Variants in ADAMTS15 observed in about 807,000 individuals in gnomAD.
The protein encoded by ADAMTS15 is A disintegrin and metalloproteinase with thrombospondin motifs 15.
ADAMTS15 carries 35 observed loss-of-function variants against 79.1 expected under a neutral mutation model. The ratio of observed to expected loss-of-function variants is 0.44; its 90% CI spans 0.34 to 0.59. ADAMTS15 has a LOEUF of 0.59. Among genes scored for constraint, ADAMTS15 ranks in the 20% least tolerant of loss-of-function variants. The probability of loss-of-function intolerance (pLI) is 0.02; values close to 1 mark genes in which losing one functional copy is unlikely to be tolerated. For synonymous variants in ADAMTS15, 616 were observed against 567.3 expected, an observed-to-expected ratio of 1.09 and a Z score of -1.22; for missense variants, 1,324 against 1,318.7, an observed-to-expected ratio of 1.00 and a Z score of -0.06.
intron 1 of ADAMTS15, among the ~76,000 whole-genome samples, chr11:130,450,571 T>C (rs1310690524): frequency 2.0e-5 from 3 of 152,198 alleles, no homozygotes; most frequent in Non-Finnish European, 4.4e-5. Flanking sequence ...ACTTCTCTGC[T>C]GGGCATGGTC....
chr11:130,470,179 T>TAC lies in ADAMTS15; in HGVS notation c.1721-740_1721-739insCA, dbSNP rs1565397802. Reference sequence around the variant, plus strand: ...GTATATATATATATATATATATATATATGTGTGTATATATATATATATATA... The same window carrying TAC: ...GTATATATATATATATATATATATATACATGTGTGTATATATATATATATATA... On this transcript the variant is annotated intron_variant, in intron 5 of 7. Coordinates refer to ENST00000299164, the MANE Select transcript of ADAMTS15 (RefSeq NM_139055.4). Among the ~76,000 whole-genome samples the TAC allele has an allele frequency of 2.3e-3, 109 of 48,102 alleles. 2 individuals are homozygous for TAC. Among genetic ancestry groups the TAC allele is most frequent in the African/African-American group, 9.0e-3 (73 of 8,092 alleles). 31.6% of individuals were successfully genotyped at this position (48,102 alleles called of 152,430 possible). A position where few individuals can be genotyped will look rare whatever the true frequency, so the allele number is the denominator to read the frequency against.
At chr11:130,470,157 T>TATATATATAC (rs1938403600) in intron 5 of ADAMTS15, among the ~76,000 whole-genome samples, 1 of 40,346 alleles carries the variant, frequency 2.5e-5, no homozygotes, top group African/African-American at 1.4e-4. Context: ...TATATGTGTA[T>TATATATATAC]ATATATATAT....
rs1371775432 is a variant in ADAMTS15 at position 130,460,296 on chromosome 11, G to A, written c.958-1193G>A. On this transcript the variant is annotated intron_variant, in intron 1 of 7. Transcript: ENST00000299164. ...TCTTCTGTTTTTTTTTTTTTTTTGA[G>A]ACGGAGTTTTGCTCTTGTCGCCCAC... is the stretch of plus-strand genomic sequence containing the variant. 2.1e-5 allele frequency among the ~76,000 whole-genome samples: 3 copies of A among 143,008 alleles called. No homozygotes were observed. The East Asian group carries it at 6.1e-4, about 29-fold the overall frequency. The allele number at this position is 143,008 out of a possible 152,430, so 93.8% of individuals were successfully genotyped here. A position where few individuals can be genotyped will look rare whatever the true frequency, so the allele number is the denominator to read the frequency against.
intron 1 of ADAMTS15, 60 bp from the exon 2 acceptor site, chr11:130,461,429 G>A (rs1592146489): frequency 1.4e-5 from 23 of 1,611,200 alleles, no homozygotes; most frequent in Non-Finnish European, 2.0e-5. Flanking sequence ...CTTCCCTTCA[G>A]GTCCCTTCTG....
chr11:130,465,244 C>T (rs971063068), intron 4 of ADAMTS15, among the ~76,000 whole-genome samples: 3 of 152,152 alleles, frequency 2.0e-5, no homozygotes, highest in African/African-American at 4.8e-5. Flanking sequence ...ACCCACCTCC[C>T]GACCTGCTTC....
intron 1 of ADAMTS15, among the ~76,000 whole-genome samples, chr11:130,456,242 CTCT>C (rs1460477682): frequency 6.6e-6 from 1 of 152,136 alleles, no homozygotes; most frequent in Non-Finnish European, 1.5e-5. Flanking sequence ...GCTATTATCG[CTCT>C]TCTTGTAGGC....
rs111860313 is a variant in ADAMTS15 at position 130,462,479 on chromosome 11, G to A, written c.1259-18G>A. ...ATCTTCCCAGCTCATCCTAACGAAC[G>A]CCCTCGGCTCTCTGCAGGTGACTGC... is the stretch of plus-strand genomic sequence containing the variant. On this transcript the variant is annotated intron_variant, in intron 3 of 7. Transcript: ENST00000299164. The surrounding 1 kb of genome is among the most constrained non-coding windows in gnomAD (Gnocchi z 4.3). The A allele has an allele frequency of 1.5e-3, 2,293 of 1,566,508 alleles. 29 individuals are homozygous for A. In the African/African-American group the frequency reaches 0.027, roughly 18 times the overall value.
At chr11:130,460,474 G>A (rs150644010) in intron 1 of ADAMTS15, among the ~76,000 whole-genome samples, 3,486 of 151,982 alleles carry the variant, frequency 0.023, 60 homozygotes, top group South Asian at 0.062. Context: ...ATGGGGTTTC[G>A]CCATGTTGGC....
chr11:130,463,486 C>T (rs182499909), intron 4 of ADAMTS15, among the ~76,000 whole-genome samples: 355 of 152,086 alleles, frequency 2.3e-3, no homozygotes, highest in African/African-American at 7.4e-3. Flanking sequence ...TGTACTTTTC[C>T]GGGCAGGAAT....
chr11:130,470,186 G>GTGTATA lies in ADAMTS15; in HGVS notation c.1721-733_1721-732insGTATAT, dbSNP rs1565397851. Among the ~76,000 whole-genome samples the GTGTATA allele has an allele frequency of 7.4e-4, 50 of 67,150 alleles. 1 individual carries two copies. Among genetic ancestry groups the GTGTATA allele is most frequent in the Non-Finnish European group, 6.6e-4 (25 of 37,864 alleles). 44.1% of individuals were successfully genotyped at this position (67,150 alleles called of 152,430 possible). A position where few individuals can be genotyped will look rare whatever the true frequency, so the allele number is the denominator to read the frequency against. On this transcript the variant is annotated intron_variant, in intron 5 of 7. Transcript: ENST00000299164. Reference sequence around the variant, plus strand: ...TATATATATATATATATATATGTGTGTATATATATATATATATATATATGT... The same window carrying GTGTATA: ...TATATATATATATATATATATGTGTGTGTATATATATATATATATATATATATATGT...
Position 130,472,935 on chromosome 11 carries a change from C to T in ADAMTS15, c.2079-112C>T. 6.8e-7 allele frequency: 1 copy of T among 1,465,576 alleles called. No individual in the cohort carries two copies. Among genetic ancestry groups the T allele is most frequent in the East Asian group, 2.3e-5 (1 of 43,910 alleles). 90.8% of individuals were successfully genotyped at this position (1,465,576 alleles called of 1,614,324 possible). On this transcript the variant is annotated intron_variant, in intron 7 of 7. Transcript: ENST00000299164. This position sits in a 1 kb window ranked among gnomAD's most constrained non-coding sequence, Gnocchi z 4.7. ...TGACTCCAAAACCTGTGCTTTTACT[C>T]CCATGCCAGAATTCACCGAAAGCTA...
chr11:130,461,373 T>G, intron 1 of ADAMTS15, 116 bp from the exon 2 acceptor site: 1,022 of 1,424,566 alleles, frequency 7.2e-4, no homozygotes, highest in Non-Finnish European at 8.6e-4. Context: ...CTGGGCCTGG[T>G]GAGGTTGGAA....
At chr11:130,456,137 G>A (rs143306387) in intron 1 of ADAMTS15, among the ~76,000 whole-genome samples, 82 of 152,232 alleles carry the variant, frequency 5.4e-4, no homozygotes, top group African/African-American at 1.9e-3. Flanking sequence ...GCCTGATAAT[G>A]GCATCTTCTT....
rs757213675 is a variant in ADAMTS15, at chr11:130,473,615, C to A, written c.2647C>A (p.Arg883=). 8.1e-6 allele frequency: 13 copies of A among 1,609,622 alleles called. No individual in the cohort carries two copies. The highest frequency in any genetic ancestry group is 1.0e-5 in the Non-Finnish European group (12 of 1,179,568). ...GGTCCCTGCCTGTGATGCAGCCCAT[C>A]GGCCCGTGGAGACACAAGCCTGCGG... is the stretch of plus-strand genomic sequence containing the variant. ...RTVPACDAAH[R]PVETQACGEP... is the part of the protein sequence containing the mutation. Residue 883 remains arginine, a synonymous_variant, in exon 8 of 8, where the codon CGG becomes AGG. Coordinates refer to ENST00000299164, the MANE Select transcript of ADAMTS15 (RefSeq NM_139055.4).
At position 130,462,529 on chromosome 11, in the gene ADAMTS15, A is replaced by G; in HGVS notation, c.1291A>G (p.Ile431Val). The G allele has an allele frequency of 2.5e-6, 4 of 1,604,712 alleles. No homozygotes were observed. The highest frequency in any genetic ancestry group is 1.3e-5 in the African/African-American group (1 of 74,912). ...DCLLDQPSKP[I>V]SLPEDLPGAS... ...CCTCCTGGACCAACCCAGCAAGCCC[A>G]TCTCCCTGCCCGAGGATCTGCCGGG... Residue 431 changes from isoleucine to valine, a missense_variant, in exon 4 of 8, where the codon ATC becomes GTC. Transcript: ENST00000299164. This position sits in a 1 kb window ranked among gnomAD's most constrained non-coding sequence, Gnocchi z 4.3.
chr11:130,460,041 A>C (rs181874197), intron 1 of ADAMTS15, among the ~76,000 whole-genome samples: 1 of 152,342 alleles, frequency 6.6e-6, no homozygotes, highest in Non-Finnish European at 1.5e-5. Context: ...CTGTGTGTGC[A>C]AAGTGCATGC....
Position 130,458,857 on chromosome 11 carries a change from G to GGTCCTACACCACACCC in ADAMTS15, c.958-2621_958-2606dup, listed in dbSNP as rs374411932. 6.1e-3 allele frequency among the ~76,000 whole-genome samples: 928 copies of GGTCCTACACCACACCC among 152,034 alleles called. 8 individuals are homozygous for GGTCCTACACCACACCC. The highest frequency in any genetic ancestry group is 0.019 in the African/African-American group (807 of 41,436). On this transcript the variant is annotated intron_variant, in intron 1 of 7. Transcript: ENST00000299164. ...AATGTCCAGAGCTCCAGCCTTGCTGGGTCCTACACCACACCCGTCCTACAC... is the reference window on the plus strand; with the variant it reads ...AATGTCCAGAGCTCCAGCCTTGCTGGGTCCTACACCACACCCGTCCTACACCACACCCGTCCTACAC...
chr11:130,456,950 C>T (rs1401835228), intron 1 of ADAMTS15, among the ~76,000 whole-genome samples: 1 of 152,102 alleles, frequency 6.6e-6, no homozygotes, highest in Non-Finnish European at 1.5e-5. Context: ...TGTTAAAGTG[C>T]GGCCAGGTGC....
At chr11:130,457,376 C>T (rs894708328) in intron 1 of ADAMTS15, among the ~76,000 whole-genome samples, 17 of 152,080 alleles carry the variant, frequency 1.1e-4, no homozygotes, top group African/African-American at 3.9e-4. Context: ...TGGTGGGAAT[C>T]GTGGTGGAGG....
Sources: allele counts gnomAD v4.1 joint callset (sites outside exome capture counted in the v4.1 genomes callset), GRCh38; gene constraint gnomAD v4.1.1; non-coding constraint Gnocchi (gnomAD v3.1); transcripts MANE v1.5; gene names NCBI Gene and HGNC (gene_info 2026-07-23, HGNC 2026-07-21).